The following INPP4B variants were observed in gnomAD, a reference collection of about 807,000 sequenced individuals.
INPP4B encodes the protein inositol polyphosphate-4-phosphatase type II B.
In INPP4B, 55 loss-of-function variants were observed where a neutral mutation model predicts 122.5. The observed-to-expected ratio is 0.45, with a 90% confidence interval of 0.36 to 0.56. The LOEUF (loss-of-function observed/expected upper bound fraction) is 0.56. INPP4B is among the 20% of genes least tolerant of loss of function. INPP4B has a pLI of 0.00. For missense variants in INPP4B, 1,000 were observed against 1,097.7 expected, an observed-to-expected ratio of 0.91 and a Z score of 1.26; for synonymous variants, 403 against 388.7, an observed-to-expected ratio of 1.04 and a Z score of -0.43.
chr4:142,579,840 A>G (rs1202305934), intron 2 of INPP4B, among the ~76,000 whole-genome samples: 1 of 150,008 alleles, frequency 6.7e-6, no homozygotes, highest in East Asian at 2.0e-4. Flanking sequence ...ATAATAAATT[A>G]GATAGATTGG....
At chr4:142,720,018 CAT>C (rs1764302983) in intron 2 of INPP4B, among the ~76,000 whole-genome samples, 1 of 152,138 alleles carries the variant, frequency 6.6e-6, no homozygotes, top group Non-Finnish European at 1.5e-5. Flanking sequence ...ATAAATGAAT[CAT>C]AAAGTATCAA....
At chr4:142,139,209 C>T (rs918597653) in intron 18 of INPP4B, among the ~76,000 whole-genome samples, 2 of 152,146 alleles carry the variant, frequency 1.3e-5, no homozygotes, top group African/African-American at 4.8e-5. Flanking sequence ...TCTTTCTTTT[C>T]CAACCAATAC....
At chr4:142,097,443 G>A (rs548119758) in intron 23 of INPP4B, among the ~76,000 whole-genome samples, 3 of 151,636 alleles carry the variant, frequency 2.0e-5, no homozygotes, top group Admixed American at 1.3e-4. Flanking sequence ...TTTTAGTAGA[G>A]AGAGTTTTTC....
Position 142,438,054 on chromosome 4 carries a change from A to G in INPP4B, c.-126-6669T>C, listed in dbSNP as rs191735005. Among the ~76,000 whole-genome samples, 28 of 152,340 alleles carry G rather than the reference A, an allele frequency of 1.8e-4. No individual in the cohort carries two copies. The East Asian group carries it at 4.8e-3, about 26-fold the overall frequency. On this transcript the variant is annotated intron_variant, in intron 3 of 25. Coordinates refer to ENST00000262992, the MANE Select transcript of INPP4B (RefSeq NM_001101669.3). ...CCACTGCTCAAGGTAATACAAGGGGACACAAATAAATGGAAAAACATTCCA... is the reference window on the plus strand; with the variant it reads ...CCACTGCTCAAGGTAATACAAGGGGGCACAAATAAATGGAAAAACATTCCA...
At chr4:142,540,328 TG>T (rs200049970) in intron 2 of INPP4B, among the ~76,000 whole-genome samples, 357 of 150,484 alleles carry the variant, frequency 2.4e-3, no homozygotes, top group African/African-American at 7.5e-3. Context: ...GGAAGTTTTT[TG>T]GGGTTTTTTT....
chr4:142,458,226 A>T (rs1279285902), intron 3 of INPP4B, among the ~76,000 whole-genome samples: 1 of 152,162 alleles, frequency 6.6e-6, no homozygotes, highest in African/African-American at 2.4e-5. Flanking sequence ...AATGGCATAA[A>T]TAAAATAGGC....
intron 2 of INPP4B, among the ~76,000 whole-genome samples, chr4:142,614,061 T>C (rs1743157610): frequency 6.6e-6 from 1 of 152,122 alleles, no homozygotes; most frequent in Non-Finnish European, 1.5e-5. Context: ...TGAAACAGCA[T>C]AGTGCTGGTA....
chr4:142,638,940 G>A (rs1749770891), intron 2 of INPP4B, among the ~76,000 whole-genome samples: 1 of 152,136 alleles, frequency 6.6e-6, no homozygotes, highest in African/African-American at 2.4e-5. Context: ...ATCAAGTGAT[G>A]ATGTTTCCTA....
rs143651817 is a variant in INPP4B at position 142,796,425 on chromosome 4, A to C, written c.-254+49784T>G. 6.4e-3 allele frequency among the ~76,000 whole-genome samples: 981 copies of C among 152,118 alleles called. 7 individuals carry two copies. Among genetic ancestry groups the C allele is most frequent in the South Asian group, 0.03 (147 of 4,820 alleles). On this transcript the variant is annotated intron_variant, in intron 1 of 25. Transcript: ENST00000262992. ...AGTTGCTGGAAACCTGTTAAGAATA[A>C]AACAGAAGAGAAGACACTCTAACCA...
At chr4:142,437,162 G>C (rs956588851) in intron 3 of INPP4B, among the ~76,000 whole-genome samples, 1 of 151,934 alleles carries the variant, frequency 6.6e-6, no homozygotes. Context: ...AATAATTTCA[G>C]AGATTGAAGA....
intron 14 of INPP4B, among the ~76,000 whole-genome samples, chr4:142,204,321 T>C (rs1006664289): frequency 6.6e-6 from 1 of 152,086 alleles, no homozygotes; most frequent in Admixed American, 6.6e-5. Context: ...AATTCAGTAC[T>C]TTTCCCATTA....
chr4:142,666,075 C>T (rs983698842), intron 2 of INPP4B, among the ~76,000 whole-genome samples: 2 of 152,130 alleles, frequency 1.3e-5, no homozygotes, highest in Non-Finnish European at 2.9e-5. Flanking sequence ...TCACAGTTAA[C>T]TGAAACTGCA....
chr4:142,714,843 G>C (rs1445881691), intron 2 of INPP4B, among the ~76,000 whole-genome samples: 1 of 152,170 alleles, frequency 6.6e-6, no homozygotes, highest in South Asian at 2.1e-4. Flanking sequence ...ATTTGCAAAA[G>C]ATATCTGGGT....
chr4:142,702,611 T>A (rs546451156), intron 2 of INPP4B, among the ~76,000 whole-genome samples: 126 of 151,594 alleles, frequency 8.3e-4, no homozygotes, highest in African/African-American at 3.0e-3. Context: ...ATGCCTGTAA[T>A]CCCAGCTACT....
intron 2 of INPP4B, among the ~76,000 whole-genome samples, chr4:142,712,644 C>T (rs74564014): frequency 0.011 from 1,687 of 152,202 alleles, 28 homozygotes; most frequent in African/African-American, 0.037. Context: ...CACAAACGTA[C>T]TTGTTTTCCT....
At chr4:142,195,944 C>T (rs901905119) in intron 14 of INPP4B, among the ~76,000 whole-genome samples, 3 of 152,164 alleles carry the variant, frequency 2.0e-5, no homozygotes, top group Non-Finnish European at 4.4e-5. Context: ...ATAATTTTAG[C>T]ATCCTCCAAA....
At chr4:142,778,237 T>C (rs1561058234) in intron 1 of INPP4B, among the ~76,000 whole-genome samples, 1 of 152,126 alleles carries the variant, frequency 6.6e-6, no homozygotes, top group Non-Finnish European at 1.5e-5. Context: ...ATGTTGACTT[T>C]TTTGTCTTCC....
intron 2 of INPP4B, among the ~76,000 whole-genome samples, chr4:142,614,426 A>G (rs1743259761): frequency 6.6e-6 from 1 of 152,170 alleles, no homozygotes; most frequent in Non-Finnish European, 1.5e-5. Flanking sequence ...GTAAGACTTG[A>G]AACTATAAAA....
intron 2 of INPP4B, among the ~76,000 whole-genome samples, chr4:142,690,335 C>T (rs1759991333): frequency 6.6e-6 from 1 of 152,100 alleles, no homozygotes; most frequent in Admixed American, 6.6e-5. Flanking sequence ...AAGCTCTTCA[C>T]CACGTAAAAC....
Sources: allele counts gnomAD v4.1 joint callset (sites outside exome capture counted in the v4.1 genomes callset), GRCh38; gene constraint gnomAD v4.1.1; transcripts MANE v1.5; gene names NCBI Gene and HGNC (gene_info 2026-07-23, HGNC 2026-07-21).